KALRN: variants seen among roughly 807,000 people sequenced by gnomAD.
KALRN encodes the protein kalirin RhoGEF kinase, also known as kalirin.
KALRN carries 70 observed loss-of-function variants against 353.7 expected under a neutral mutation model. That is an observed-to-expected ratio of 0.20 (90% CI 0.16 to 0.24). KALRN has a LOEUF of 0.24. KALRN is among the 10% of genes least tolerant of loss of function. The pLI is 1.00. For synonymous variants in KALRN, 1,391 were observed against 1,434.8 expected (o/e 0.97, Z 0.69); for missense variants, 2,791 against 3,756.7 (o/e 0.74, Z 6.72).
intron 1 of KALRN, among the ~76,000 whole-genome samples, chr3:124,187,433 A>G (rs1347485359): frequency 1.3e-5 from 2 of 152,140 alleles, no homozygotes; most frequent in East Asian, 3.9e-4. Context: ...CCATCCAAAC[A>G]CAGGGCATAT....
At chr3:124,545,541 C>T (rs2069531871) in intron 33 of KALRN, among the ~76,000 whole-genome samples, 1 of 152,196 alleles carries the variant, frequency 6.6e-6, no homozygotes, top group Admixed American at 6.5e-5. Flanking sequence ...CACACAGGGA[C>T]ATGACTGTCC....
intron 56 of KALRN, among the ~76,000 whole-genome samples, chr3:124,701,311 CAGTATACCAGATAAGCTCATTAATGCCTG>C (rs796814901): frequency 5.3e-5 from 8 of 152,008 alleles, no homozygotes; most frequent in African/African-American, 1.9e-4. Context: ...CTAAATCCTT[CAGTATACCAGATAAGCTCATTAATGCCTG>C]AGAAGAGCGG....
At position 124,446,759 on chromosome 3, in the gene KALRN, A is replaced by G; in HGVS notation, c.3430-4A>G. 1 of 1,614,068 alleles carries G rather than the reference A, an allele frequency of 6.2e-7. No homozygotes were observed. The highest frequency in any genetic ancestry group is 1.1e-5 in the South Asian group (1 of 91,060). ...GGGACTGGATGAGTTGTTTCCTCCC[A>G]TAGGCGCTTGACTGGATCCAAGAAA... On this transcript the variant is annotated splice_polypyrimidine_tract_variant and splice_region_variant and intron_variant, in intron 20 of 59. Coordinates refer to ENST00000682506, the MANE Select transcript of KALRN (RefSeq NM_001388419.1).
chr3:124,668,155 C>T (rs865776027), intron 47 of KALRN, among the ~76,000 whole-genome samples: 3 of 151,944 alleles, frequency 2.0e-5, no homozygotes, highest in African/African-American at 4.8e-5. Context: ...CATGGCCATA[C>T]GTGCTCACAG....
At chr3:124,198,601 A>C (rs2075667226) in intron 1 of KALRN, among the ~76,000 whole-genome samples, 1 of 152,212 alleles carries the variant, frequency 6.6e-6, no homozygotes, top group African/African-American at 2.4e-5. Flanking sequence ...TCCCTCAAAC[A>C]AAAGTTCATG....
At chr3:124,585,566 A>G (rs1484998837) in intron 34 of KALRN, among the ~76,000 whole-genome samples, 2 of 152,034 alleles carry the variant, frequency 1.3e-5, no homozygotes, top group African/African-American at 4.8e-5. Context: ...GGAAGCAACC[A>G]ATTTCCCCCA....
intron 34 of KALRN, among the ~76,000 whole-genome samples, chr3:124,568,445 G>T (rs1034451908): frequency 1.6e-4 from 25 of 152,156 alleles, no homozygotes; most frequent in Admixed American, 2.6e-4. Context: ...AACAGTATGG[G>T]ATTCCTCAAA....
chr3:124,664,447 G>A (rs1223332594), intron 45 of KALRN, among the ~76,000 whole-genome samples: 2 of 148,376 alleles, frequency 1.3e-5, no homozygotes, highest in East Asian at 2.0e-4. Flanking sequence ...GTCTTGCTCT[G>A]TCGCCCAGGC....
chr3:124,638,361 G>GT (rs1481819442), intron 37 of KALRN, among the ~76,000 whole-genome samples: 5 of 149,666 alleles, frequency 3.3e-5, no homozygotes, highest in Non-Finnish European at 7.4e-5. Flanking sequence ...AAAACCTGCT[G>GT]TTTTCAGTAC....
intron 10 of KALRN, among the ~76,000 whole-genome samples, chr3:124,376,226 A>C (rs1439951966): frequency 6.6e-6 from 1 of 152,200 alleles, no homozygotes; most frequent in African/African-American, 2.4e-5. Context: ...TATCAGTCCC[A>C]ATTAGTAACT....
chr3:124,305,888 G>A (rs965416878), intron 6 of KALRN, among the ~76,000 whole-genome samples: 4 of 151,734 alleles, frequency 2.6e-5, no homozygotes, highest in African/African-American at 4.8e-5. Flanking sequence ...GTAAAAATAT[G>A]TACTAGAAAA....
At chr3:124,299,815 G>A (rs1214823018) in intron 6 of KALRN, among the ~76,000 whole-genome samples, 3 of 152,098 alleles carry the variant, frequency 2.0e-5, no homozygotes, top group Non-Finnish European at 2.9e-5. Context: ...CTAACACTTC[G>A]GGATATATTT....
intron 14 of KALRN, among the ~76,000 whole-genome samples, chr3:124,415,764 C>T (rs997460292): frequency 1.3e-5 from 2 of 152,154 alleles, no homozygotes; most frequent in Non-Finnish European, 1.5e-5. Context: ...ACCACTGACC[C>T]AACATGTTGC....
At chr3:124,167,963 C>A (rs1033406522) in intron 1 of KALRN, among the ~76,000 whole-genome samples, 14 of 152,150 alleles carry the variant, frequency 9.2e-5, no homozygotes, top group African/African-American at 3.4e-4. Context: ...GCACCCCTGC[C>A]CTCAGATGAG....
At chr3:124,512,504 A>G (rs963192653) in intron 33 of KALRN, among the ~76,000 whole-genome samples, 1 of 152,176 alleles carries the variant, frequency 6.6e-6, no homozygotes, top group Non-Finnish European at 1.5e-5. Context: ...ACAAAAAATT[A>G]GCCAGGCATG....
At chr3:124,534,845 C>A (rs527547148) in intron 33 of KALRN, among the ~76,000 whole-genome samples, 1 of 152,164 alleles carries the variant, frequency 6.6e-6, no homozygotes, top group African/African-American at 2.4e-5. Flanking sequence ...GGACATCAGA[C>A]AACAAGGACA....
intron 33 of KALRN, among the ~76,000 whole-genome samples, chr3:124,538,855 T>G (rs1464262966): frequency 6.6e-6 from 1 of 152,200 alleles, no homozygotes; most frequent in African/African-American, 2.4e-5. Context: ...TTTTCGATCT[T>G]TTTTTGAAGA....
intron 33 of KALRN, among the ~76,000 whole-genome samples, chr3:124,516,983 A>G (rs374603215): frequency 3.3e-5 from 5 of 152,138 alleles, no homozygotes; most frequent in East Asian, 3.9e-4. Context: ...ACACCCAGCT[A>G]ACTTTTGTAT....
intron 1 of KALRN, among the ~76,000 whole-genome samples, chr3:124,098,285 T>C (rs1217414181): frequency 6.6e-6 from 1 of 152,136 alleles, no homozygotes; most frequent in East Asian, 1.9e-4. Context: ...CAGAAGACAA[T>C]CTGTTTTCCC....
Sources: allele counts gnomAD v4.1 joint callset (sites outside exome capture counted in the v4.1 genomes callset), GRCh38; gene constraint gnomAD v4.1.1; transcripts MANE v1.5; gene names NCBI Gene and HGNC (gene_info 2026-07-23, HGNC 2026-07-21).